The following BMP7 variants were observed in gnomAD, a reference collection of about 807,000 sequenced individuals.
BMP7 encodes the protein osteogenic protein 1.
A neutral mutation model predicts 41.2 loss-of-function variants in BMP7; 12 were observed. The observed-to-expected ratio is 0.29, with a 90% CI of 0.19 to 0.47. The LOEUF (loss-of-function observed/expected upper bound fraction) is 0.47, where lower values mean the gene tolerates loss of function less well. Among genes scored for constraint, BMP7 ranks in the 20% least tolerant of loss-of-function variants. The pLI, the probability that BMP7 is intolerant of heterozygous loss-of-function variation, is 0.99. For missense variants in BMP7, 467 were observed against 606.0 expected, an observed-to-expected ratio of 0.77 and a Z score of 2.41; for synonymous variants, 248 against 250.0, an observed-to-expected ratio of 0.99 and a Z score of 0.07.
chr20:57,199,150 A>G (rs1984566742), intron 3 of BMP7, among the ~76,000 whole-genome samples: 1 of 152,176 alleles, frequency 6.6e-6, no homozygotes, highest in African/African-American at 2.4e-5. Flanking sequence ...GCTCGGGGCC[A>G]GGCACAAAGC....
intron 1 of BMP7, among the ~76,000 whole-genome samples, chr20:57,231,335 T>C (rs2066028805): frequency 6.6e-6 from 1 of 152,218 alleles, no homozygotes; most frequent in African/African-American, 2.4e-5. Context: ...AGTTTCCAGA[T>C]TGGGGCTCTG....
In BMP7 at chr20:57,236,150, A is replaced by C. The variant is rs188702363; in HGVS notation, c.419-7729T>G. Among the ~76,000 whole-genome samples the C allele has an allele frequency of 2.7e-3, 416 of 152,348 alleles. 1 individual carries two copies. Among genetic ancestry groups the C allele is most frequent in the Non-Finnish European group, 3.7e-3 (250 of 68,030 alleles). On this transcript the variant is annotated intron_variant, in intron 1 of 6. Coordinates refer to ENST00000395863, the MANE Select transcript of BMP7 (RefSeq NM_001719.3). ...AAGAGAAAAGATGTCAGCATTTTCC[A>C]TCTCTTGTCAGGACCCCAGAAGTGT...
rs753980150 is a variant in BMP7 at position 57,175,020 on chromosome 20, G to A, written c.959-13C>T. The A allele has an allele frequency of 1.9e-6, 3 of 1,608,576 alleles. No individual in the cohort carries two copies. Among genetic ancestry groups the A allele is most frequent in the East Asian group, 2.2e-5 (1 of 44,806 alleles). On this transcript the variant is annotated splice_polypyrimidine_tract_variant and intron_variant, in intron 4 of 6. Transcript: ENST00000395863. ...CTGCTGCTGTTCTCTGCATTGACAA[G>A]GAAGTGAAGAAGCAGAGCCCAGTGA...
At chr20:57,233,388 GC>G (rs1228976203) in intron 1 of BMP7, among the ~76,000 whole-genome samples, 1 of 152,246 alleles carries the variant, frequency 6.6e-6, no homozygotes, top group Non-Finnish European at 1.5e-5. Flanking sequence ...CATCCTGACA[GC>G]AAGCAGACCC....
intron 3 of BMP7, among the ~76,000 whole-genome samples, chr20:57,188,503 T>C (rs1257032034): frequency 6.7e-6 from 1 of 148,682 alleles, no homozygotes; most frequent in Admixed American, 6.7e-5. Context: ...GGAAACGTTC[T>C]AGAATCAGAC....
intron 6 of BMP7, among the ~76,000 whole-genome samples, chr20:57,172,842 C>A (rs1758916175): frequency 6.6e-6 from 1 of 152,160 alleles, no homozygotes; most frequent in Non-Finnish European, 1.5e-5. Context: ...TGAAATTTCT[C>A]ATCTGTTTAC....
chr20:57,191,123 C>A (rs1438505049), intron 3 of BMP7, among the ~76,000 whole-genome samples: 1 of 152,196 alleles, frequency 6.6e-6, no homozygotes, highest in African/African-American at 2.4e-5. Flanking sequence ...GTCATCGCAG[C>A]CGAGTCTGAC....
At chr20:57,192,504 C>T (rs149677943) in intron 3 of BMP7, among the ~76,000 whole-genome samples, 10 of 151,096 alleles carry the variant, frequency 6.6e-5, no homozygotes, top group Admixed American at 3.3e-4. Flanking sequence ...TTAGTCAGTG[C>T]GCGTAACTAT....
rs909295905 is a variant in BMP7, at chr20:57,215,672, A to C, written c.611+12557T>G. The stretch of plus-strand genomic sequence containing the variant: ...GACACGGCTCTGGGGGAAATCCCAC[A>C]CGGATGGGCAGCTGCCTGCATCTGG... On this transcript the variant is annotated intron_variant, in intron 2 of 6. Coordinates refer to ENST00000395863, the MANE Select transcript of BMP7 (RefSeq NM_001719.3). The surrounding 1 kb of genome is among the most constrained non-coding windows in gnomAD (Gnocchi z 4.2). 8 of 150,716 alleles carry C rather than the reference A, an allele frequency of 5.3e-5. No individual in the cohort carries two copies. Among genetic ancestry groups the C allele is most frequent in the African/African-American group, 2.0e-4 (8 of 40,354 alleles). 9.3% of individuals were successfully genotyped at this position (150,716 alleles called of 1,614,324 possible).
At chr20:57,242,263 C>T (rs747156197) in intron 1 of BMP7, among the ~76,000 whole-genome samples, 20 of 152,264 alleles carry the variant, frequency 1.3e-4, no homozygotes, top group Non-Finnish European at 1.6e-4. Flanking sequence ...CCAGGGACAC[C>T]GCTAAACATT....
At chr20:57,184,005 G>T in intron 3 of BMP7, 86 bp from the exon 4 acceptor site, 1 of 1,445,350 alleles carries the variant, frequency 6.9e-7, no homozygotes, top group Non-Finnish European at 9.5e-7. Context: ...TATGCCTCCC[G>T]GTTCATTCAT....
In BMP7 at chr20:57,168,947, G is replaced by GT. The variant is rs1383027751; in HGVS notation, c.*2011_*2012insA. 2.3e-5 allele frequency: 1 copy of GT among 43,254 alleles called. No individual in the cohort carries two copies. Among genetic ancestry groups the GT allele is most frequent in the East Asian group, 2.0e-3 (1 of 502 alleles). 2.7% of individuals were successfully genotyped at this position (43,254 alleles called of 1,614,324 possible). A position where few individuals can be genotyped will look rare whatever the true frequency, so the allele number is the denominator to read the frequency against. The stretch of plus-strand genomic sequence containing the variant: ...CATCGTCCTGAACGAGGGATTAAAG[G>GT]GGGGGGGGTGTTCAAAAGAGCTTTG... On this transcript the variant is annotated 3_prime_UTR_variant, in exon 7 of 7. Transcript: ENST00000395863.
Position 57,179,446 on chromosome 20 carries a change from C to T in BMP7, c.958+4276G>A, listed in dbSNP as rs80315685. ...GCGGCTGCTTACCAGGGAGCTGGGT[C>T]CAAACGTGGGTGGGGAGAAGGAAGT... On this transcript the variant is annotated intron_variant, in intron 4 of 6. Transcript: ENST00000395863. 3.4e-3 allele frequency among the ~76,000 whole-genome samples: 515 copies of T among 152,368 alleles called. 1 individual carries two copies. Among genetic ancestry groups the T allele is most frequent in the Non-Finnish European group, 5.4e-3 (369 of 68,042 alleles).
At chr20:57,202,205 A>G (rs1984636028) in intron 3 of BMP7, among the ~76,000 whole-genome samples, 1 of 152,062 alleles carries the variant, frequency 6.6e-6, no homozygotes, top group Non-Finnish European at 1.5e-5. Flanking sequence ...TGCATTTCTC[A>G]TAAGAGGGCT....
chr20:57,240,775 T>C (rs1196567004), intron 1 of BMP7, among the ~76,000 whole-genome samples: 2 of 152,170 alleles, frequency 1.3e-5, no homozygotes, highest in African/African-American at 4.8e-5. Flanking sequence ...AACCATCAGA[T>C]CTTGTGAGAA....
intron 3 of BMP7, among the ~76,000 whole-genome samples, chr20:57,188,052 A>C (rs953252295): frequency 2.6e-5 from 4 of 152,222 alleles, no homozygotes; most frequent in African/African-American, 9.6e-5. Context: ...TTCCTAAAAA[A>C]AGTTTAATAT....
chr20:57,219,055 G>GGTGGGCGAGGGACTT (rs1568719267), intron 2 of BMP7, among the ~76,000 whole-genome samples: 2 of 146,664 alleles, frequency 1.4e-5, no homozygotes, highest in African/African-American at 5.5e-5. Flanking sequence ...GTGGTAGCTG[G>GGTGGGCGAGGGACTT]CATTTGTTTG....
At chr20:57,239,150 T>C (rs1490846069) in intron 1 of BMP7, among the ~76,000 whole-genome samples, 1 of 152,192 alleles carries the variant, frequency 6.6e-6, no homozygotes, top group Non-Finnish European at 1.5e-5. Context: ...CCCTTCTGCC[T>C]ATGAGCCTCT....
chr20:57,199,650 CAA>C (rs1404765694), intron 3 of BMP7, among the ~76,000 whole-genome samples: 2 of 152,200 alleles, frequency 1.3e-5, no homozygotes, highest in African/African-American at 2.4e-5. Context: ...GTAGGGAAAA[CAA>C]AGCATTTTCA....
Sources: gnomAD v4.1 joint callset for allele counts (sites outside exome capture counted in the v4.1 genomes callset) on GRCh38, gnomAD v4.1.1 for gene constraint, Gnocchi (gnomAD v3.1) non-coding constraint, MANE v1.5 for transcripts, NCBI Gene and HGNC (gene_info 2026-07-23, HGNC 2026-07-21) for gene names.